FARSB: variants seen among roughly 807,000 people sequenced by gnomAD.
FARSB encodes phenylalanine--tRNA ligase beta subunit.
FARSB carries 40 observed loss-of-function variants against 69.6 expected under a neutral mutation model. The ratio of observed to expected loss-of-function variants is 0.57; its 90% CI spans 0.45 to 0.75. The LOEUF is 0.75. FARSB is among the 30% of genes least tolerant of loss of function. FARSB has a pLI of 0.00. For synonymous variants in FARSB, 235 were observed against 247.2 expected, an observed-to-expected ratio of 0.95 and a Z score of 0.46; for missense variants, 632 against 722.9, an observed-to-expected ratio of 0.87 and a Z score of 1.44.
rs746278816 is a variant in FARSB, at chr2:222,656,004, G to A, written c.58+12C>T. Reference sequence around the variant, plus strand: ...AGAGGCGTAGGGCCCAACGTATAGGGCCGCCACTCACTGTAGGTGCGGCCC... The same window carrying A: ...AGAGGCGTAGGGCCCAACGTATAGGACCGCCACTCACTGTAGGTGCGGCCC... On this transcript the variant is annotated intron_variant, in intron 1 of 16. Transcript: ENST00000281828. 1 of 1,590,068 alleles carries A rather than the reference G, an allele frequency of 6.3e-7. No individual in the cohort carries two copies. Among genetic ancestry groups the A allele is most frequent in the Non-Finnish European group, 8.6e-7 (1 of 1,165,882 alleles).
intron 16 of FARSB, among the ~76,000 whole-genome samples, chr2:222,592,647 G>A (rs371563726): frequency 4.0e-5 from 6 of 149,740 alleles, no homozygotes; most frequent in East Asian, 1.9e-4. Flanking sequence ...CCACAACATC[G>A]TTTTCTATAG....
Position 222,630,181 on chromosome 2 carries a change from A to C in FARSB, c.787-7T>G. The C allele has an allele frequency of 6.9e-7, 1 of 1,440,018 alleles. No homozygotes were observed. The allele number at this position is 1,440,018 out of a possible 1,614,324, so 89.2% of individuals were successfully genotyped here. On this transcript the variant is annotated splice_region_variant and splice_polypyrimidine_tract_variant and intron_variant, in intron 8 of 16. Coordinates refer to ENST00000281828, the MANE Select transcript of FARSB (RefSeq NM_005687.5). ...TATCAAGAACTATTTTTGCCTGCAA[A>C]GAAAAGAAAAACAAATATAGTAATC...
chr2:222,643,855 A>G (rs1449515261), intron 2 of FARSB, among the ~76,000 whole-genome samples: 2 of 152,236 alleles, frequency 1.3e-5, no homozygotes, highest in Non-Finnish European at 2.9e-5. Context: ...ACCACACTAC[A>G]GCAGAGTAAC....
At chr2:222,583,749 A>C (rs1690033010) in intron 16 of FARSB, among the ~76,000 whole-genome samples, 1 of 151,990 alleles carries the variant, frequency 6.6e-6, no homozygotes, top group Non-Finnish European at 1.5e-5. Flanking sequence ...GAGGTAATTG[A>C]GACATAGAGG....
intron 15 of FARSB, among the ~76,000 whole-genome samples, chr2:222,601,338 G>A (rs1279185515): frequency 1.3e-5 from 2 of 151,994 alleles, no homozygotes; most frequent in Non-Finnish European, 2.9e-5. Flanking sequence ...GCTCATGCCT[G>A]TAATCCCAGC....
In FARSB at chr2:222,569,937, G is replaced by T. The variant is rs1385728661; in HGVS notation, c.*1934C>A. ...TAGGAATAGAATGGCTAGATGGTAG[G>T]TGTATGTTTCAAGAGACTGCCAAGC... is the stretch of plus-strand genomic sequence containing the variant. On this transcript the variant is annotated 3_prime_UTR_variant, in exon 17 of 17. Coordinates refer to ENST00000281828, the MANE Select transcript of FARSB (RefSeq NM_005687.5). 6.6e-6 allele frequency among the ~76,000 whole-genome samples: 1 copy of T among 152,180 alleles called. No individual in the cohort carries two copies. The highest frequency in any genetic ancestry group is 2.1e-4 in the South Asian group (1 of 4,836).
At chr2:222,603,468 C>G (rs1020578059) in intron 15 of FARSB, among the ~76,000 whole-genome samples, 1 of 151,638 alleles carries the variant, frequency 6.6e-6, no homozygotes, top group Admixed American at 6.6e-5. Context: ...TCTGTGGTAT[C>G]GATTATCTGG....
intron 16 of FARSB, among the ~76,000 whole-genome samples, chr2:222,593,519 A>G (rs1319938368): frequency 4.6e-5 from 7 of 152,160 alleles, no homozygotes; most frequent in Non-Finnish European, 8.8e-5. Flanking sequence ...CTGATAATTA[A>G]ACAAAAATAG....
chr2:222,622,544 A>G (rs2106217710), intron 13 of FARSB, among the ~76,000 whole-genome samples: 1 of 152,310 alleles, frequency 6.6e-6, no homozygotes, highest in Non-Finnish European at 1.5e-5. Context: ...ATATTTTTCA[A>G]TGTTATTTTT....
chr2:222,587,642 C>T (rs1690153849), intron 16 of FARSB, among the ~76,000 whole-genome samples: 1 of 152,078 alleles, frequency 6.6e-6, no homozygotes, highest in Non-Finnish European at 1.5e-5. Context: ...AGAGAAGAAT[C>T]AAATAGACGC....
chr2:222,644,442 C>T (rs1356032875), intron 2 of FARSB: 1 of 419,624 alleles, frequency 2.4e-6, no homozygotes, highest in Non-Finnish European at 4.9e-6. Flanking sequence ...TGGGGAGAGG[C>T]AAAAAGAGAA....
chr2:222,637,818 C>CA (rs1271378333), intron 5 of FARSB, among the ~76,000 whole-genome samples: 2 of 152,012 alleles, frequency 1.3e-5, no homozygotes, highest in Middle Eastern at 3.4e-3. Flanking sequence ...CCTGTCTCTA[C>CA]AAAAAAATTT....
intron 16 of FARSB, among the ~76,000 whole-genome samples, chr2:222,597,286 A>G (rs549629862): frequency 6.6e-6 from 1 of 152,216 alleles, no homozygotes; most frequent in Non-Finnish European, 1.5e-5. Flanking sequence ...TTCTACTATG[A>G]CAGCCAATGT....
At chr2:222,581,761 A>G (rs1032671770) in intron 16 of FARSB, among the ~76,000 whole-genome samples, 3 of 152,358 alleles carry the variant, frequency 2.0e-5, no homozygotes, top group East Asian at 1.9e-4. Context: ...TGACAAACCT[A>G]AAGAAATAAG....
At chr2:222,581,699 A>G (rs895644330) in intron 16 of FARSB, among the ~76,000 whole-genome samples, 6 of 152,238 alleles carry the variant, frequency 3.9e-5, no homozygotes. Context: ...TATGTATATC[A>G]CGAAGGGTTG....
At chr2:222,655,594 C>G (rs1438385881) in intron 1 of FARSB, among the ~76,000 whole-genome samples, 2 of 152,208 alleles carry the variant, frequency 1.3e-5, no homozygotes. Context: ...AAAACGAAGA[C>G]AGGTGGAATG....
chr2:222,648,188 T>C (rs972026083), intron 2 of FARSB, among the ~76,000 whole-genome samples: 2 of 152,196 alleles, frequency 1.3e-5, no homozygotes, highest in African/African-American at 4.8e-5. Context: ...TTGATTTTTT[T>C]AAATATTGTA....
intron 16 of FARSB, among the ~76,000 whole-genome samples, chr2:222,574,370 T>G (rs1022789715): frequency 2.0e-5 from 3 of 152,168 alleles, no homozygotes; most frequent in African/African-American, 7.2e-5. Flanking sequence ...TTAAAACATA[T>G]CCAAGCATAT....
chr2:222,644,046 TCCA>T (rs1239050604), intron 2 of FARSB, among the ~76,000 whole-genome samples: 1 of 152,208 alleles, frequency 6.6e-6, no homozygotes, highest in Non-Finnish European at 1.5e-5. Context: ...TCCTACTATT[TCCA>T]CCACCAACAA....
Sources: gnomAD v4.1 joint callset for allele counts (sites outside exome capture counted in the v4.1 genomes callset) on GRCh38, gnomAD v4.1.1 for gene constraint, MANE v1.5 for transcripts, NCBI Gene and HGNC (gene_info 2026-07-23, HGNC 2026-07-21) for gene names.